WDFY3: variants seen among roughly 807,000 people sequenced by gnomAD.
WDFY3 encodes the protein WD repeat and FYVE domain containing 3, also known as WD repeat and FYVE domain-containing protein 3.
In WDFY3, 66 loss-of-function variants were observed where a neutral mutation model predicts 409.6. The ratio of observed to expected loss-of-function variants is 0.16; its 90% CI spans 0.13 to 0.20. The LOEUF (loss-of-function observed/expected upper bound fraction) is 0.20. Among genes scored for constraint, WDFY3 ranks in the 10% least tolerant of loss-of-function variants. WDFY3 has a pLI of 1.00. For synonymous variants in WDFY3, 1,521 were observed against 1,537.1 expected (o/e 0.99, Z 0.25); for missense variants, 3,031 against 4,298.1 (o/e 0.71, Z 8.24).
At chr4:84,815,498 T>TA (rs1172297188) in intron 13 of WDFY3, among the ~76,000 whole-genome samples, 2 of 152,156 alleles carry the variant, frequency 1.3e-5, no homozygotes, top group Admixed American at 6.6e-5. Context: ...CAAAGGAAAA[T>TA]ACAAGTTCAT....
chr4:84,904,664 ATG>A (rs1766789993), intron 2 of WDFY3, among the ~76,000 whole-genome samples: 1 of 152,200 alleles, frequency 6.6e-6, no homozygotes, highest in African/African-American at 2.4e-5. Context: ...AGCAAGCAAA[ATG>A]TGGCCCATGC....
intron 4 of WDFY3, among the ~76,000 whole-genome samples, 198 bp from the exon 5 acceptor site, chr4:84,850,223 T>C (rs1758695476): frequency 6.6e-6 from 1 of 152,194 alleles, no homozygotes; most frequent in East Asian, 1.9e-4. Context: ...ACATATAAAT[T>C]TGTTGAAGAA....
At chr4:84,854,310 A>G (rs1216556112) in intron 4 of WDFY3, among the ~76,000 whole-genome samples, 1 of 152,178 alleles carries the variant, frequency 6.6e-6, no homozygotes. Context: ...TATAAGAGGA[A>G]AAATGGTACA....
At chr4:84,843,287 T>C (rs570514517) in intron 5 of WDFY3, among the ~76,000 whole-genome samples, 1 of 152,204 alleles carries the variant, frequency 6.6e-6, no homozygotes, top group African/African-American at 2.4e-5. Flanking sequence ...AACAAATATA[T>C]TTTACTATTT....
chr4:84,868,171 CAAAAAAAAAAAAAAA>C (rs70943375), intron 3 of WDFY3, among the ~76,000 whole-genome samples: 396 of 38,464 alleles, frequency 0.01, 3 homozygotes, highest in African/African-American at 0.037. Flanking sequence ...GACTCTGTCT[CAAAAAAAAAAAAAAA>C]AAAAAAAAAA....
chr4:84,861,010 A>T (rs180892389), intron 3 of WDFY3, among the ~76,000 whole-genome samples: 7 of 152,264 alleles, frequency 4.6e-5, no homozygotes, highest in Admixed American at 1.3e-4. Context: ...CAGGAGCTCG[A>T]GACCAGCCTG....
At chr4:84,895,034 T>C (rs921295309) in intron 3 of WDFY3, among the ~76,000 whole-genome samples, 2 of 152,064 alleles carry the variant, frequency 1.3e-5, no homozygotes, top group Non-Finnish European at 2.9e-5. Context: ...AAGTAACTTA[T>C]TAAACTCTCT....
intron 2 of WDFY3, among the ~76,000 whole-genome samples, chr4:84,897,853 G>A (rs543511348): frequency 2.0e-5 from 3 of 152,118 alleles, no homozygotes; most frequent in Admixed American, 6.6e-5. Context: ...ATTGAAAATC[G>A]CCTTTAAATC....
At position 84,794,631 on chromosome 4, in the gene WDFY3, A is replaced by G; in HGVS notation, c.3375T>C (p.Val1125=). Residue 1125 remains valine, a synonymous_variant, in exon 21 of 68, where the codon GTT becomes GTC. Transcript: ENST00000295888. ...GCTCAGAAGAATTTGCTCGGCGCAC[A>G]ACAGTAAGAAGTCTGACAGGGTGGT... The part of the protein sequence containing the change: ...PNNHPVRLLT[V]VRRANSSEQH... 1 of 1,614,144 alleles carries G rather than the reference A, an allele frequency of 6.2e-7. No homozygotes were observed. Among genetic ancestry groups the G allele is most frequent in the South Asian group, 1.1e-5 (1 of 91,082 alleles).
At chr4:84,903,752 A>G (rs1386958261) in intron 2 of WDFY3, among the ~76,000 whole-genome samples, 1 of 152,232 alleles carries the variant, frequency 6.6e-6, no homozygotes. Flanking sequence ...CAAACTGAGA[A>G]AAGCTGGACA....
chr4:84,681,816 A>G (rs1727394996), intron 64 of WDFY3, among the ~76,000 whole-genome samples: 2 of 152,242 alleles, frequency 1.3e-5, no homozygotes, highest in East Asian at 3.8e-4. Flanking sequence ...TTCTGGGTAG[A>G]AATCAATTAT....
intron 2 of WDFY3, among the ~76,000 whole-genome samples, chr4:84,926,137 A>G (rs1769952435): frequency 7.0e-6 from 1 of 142,466 alleles, no homozygotes; most frequent in South Asian, 2.5e-4. Context: ...CCCGGGAGGC[A>G]GAGCTTTCAG....
chr4:84,810,683 A>G (rs1025112447), intron 13 of WDFY3, among the ~76,000 whole-genome samples: 3 of 152,214 alleles, frequency 2.0e-5, no homozygotes, highest in Non-Finnish European at 4.4e-5. Context: ...CTTCTAGTCT[A>G]GTTTTACACA....
intron 40 of WDFY3, among the ~76,000 whole-genome samples, chr4:84,738,512 GA>G (rs1464156733): frequency 2.0e-5 from 3 of 150,512 alleles, no homozygotes; most frequent in South Asian, 2.1e-4. Context: ...TGAGACATGA[GA>G]ATCACTTGAA....
At chr4:84,719,353 T>TA (rs1734471667) in intron 47 of WDFY3, among the ~76,000 whole-genome samples, 1 of 152,190 alleles carries the variant, frequency 6.6e-6, no homozygotes, top group South Asian at 2.1e-4. Context: ...AGTATTGTTT[T>TA]CTCCCAAAGG....
rs755696475 is a variant in WDFY3 at position 84,696,832 on chromosome 4, T to A, written c.8597-9A>T. 8 of 1,606,960 alleles carry A rather than the reference T, an allele frequency of 5.0e-6. No individual in the cohort carries two copies. The South Asian group carries it at 7.7e-5, about 16-fold the overall frequency. ...GCCATTTTGTTTACAGCCTATGCAA[T>A]TGGATACATTAAAAATAAAAAAAAA... On this transcript the variant is annotated splice_polypyrimidine_tract_variant and intron_variant, in intron 56 of 67. Transcript: ENST00000295888.
At chr4:84,865,560 G>A (rs1037399873) in intron 3 of WDFY3, among the ~76,000 whole-genome samples, 1 of 152,168 alleles carries the variant, frequency 6.6e-6, no homozygotes, top group African/African-American at 2.4e-5. Flanking sequence ...ATCTTGTTAG[G>A]TCAGTTTAGC....
At chr4:84,884,381 T>TA (rs1763915277) in intron 3 of WDFY3, among the ~76,000 whole-genome samples, 2 of 152,114 alleles carry the variant, frequency 1.3e-5, no homozygotes, top group Admixed American at 6.6e-5. Flanking sequence ...AATATACACT[T>TA]AGAGTATATA....
chr4:84,840,871 G>C (rs1291612330), intron 6 of WDFY3, among the ~76,000 whole-genome samples: 1 of 151,708 alleles, frequency 6.6e-6, no homozygotes, highest in Admixed American at 6.6e-5. Context: ...GTGAGCCTCT[G>C]AGCCCAGCCA....
Sources: gnomAD v4.1 joint callset for allele counts (sites outside exome capture counted in the v4.1 genomes callset) on GRCh38, gnomAD v4.1.1 for gene constraint, MANE v1.5 for transcripts, NCBI Gene and HGNC (gene_info 2026-07-23, HGNC 2026-07-21) for gene names.